The following RNF141 variants were observed in gnomAD, a reference collection of about 807,000 sequenced individuals.
RNF141 encodes ring finger protein 141, also known as C3HC4-like zinc finger protein.
A neutral mutation model predicts 27.4 loss-of-function variants in RNF141; 18 were observed. The ratio of observed to expected loss-of-function variants is 0.66; its 90% confidence interval spans 0.45 to 0.97. The LOEUF (loss-of-function observed/expected upper bound fraction) is 0.97. Among genes scored for constraint, RNF141 ranks in the 50% least tolerant of loss-of-function variants. The pLI, the probability that RNF141 is intolerant of heterozygous loss-of-function variation, is 0.00. For missense variants in RNF141, 230 were observed against 279.4 expected (o/e 0.82, Z 1.26); for synonymous variants, 97 against 96.6 (o/e 1.00, Z -0.02).
At chr11:10,540,715 G>T (rs1850091354) in intron 1 of RNF141, 1 of 144,368 alleles carries the variant, frequency 6.9e-6, no homozygotes, top group African/African-American at 2.7e-5. Context: ...CCTAGCGCTC[G>T]CTCTGGCTAC....
At chr11:10,518,521 A>G (rs1849860334) in intron 5 of RNF141, 1 of 152,306 alleles carries the variant, frequency 6.6e-6, no homozygotes. Context: ...CATTTATAAA[A>G]ATTCATAACT....
intron 2 of RNF141, among the ~76,000 whole-genome samples, chr11:10,533,541 GTA>G (rs72252394): frequency 1.3e-5 from 2 of 150,674 alleles, no homozygotes; most frequent in Non-Finnish European, 1.5e-5. Flanking sequence ...GTAAAAAAAA[GTA>G]TATATATATA....
chr11:10,521,605 T>C (rs754607082), intron 4 of RNF141, among the ~76,000 whole-genome samples: 1 of 152,230 alleles, frequency 6.6e-6, no homozygotes, highest in Non-Finnish European at 1.5e-5. Flanking sequence ...AATTTTGATT[T>C]GAATGTAAAA....
At chr11:10,523,494 A>C (rs1284375665) in intron 4 of RNF141, among the ~76,000 whole-genome samples, 2 of 152,252 alleles carry the variant, frequency 1.3e-5, no homozygotes, top group African/African-American at 4.8e-5. Context: ...GTAAGTAATC[A>C]ATAAATGTAA....
intron 1 of RNF141, among the ~76,000 whole-genome samples, chr11:10,540,475 G>C (rs1564870589): frequency 6.6e-6 from 1 of 152,320 alleles, no homozygotes; most frequent in East Asian, 1.9e-4. Context: ...CTCCTGCTGT[G>C]TAATCACTAC....
At chr11:10,530,519 CTA>C (rs1457464139) in intron 3 of RNF141, 122 bp downstream of exon 3, 12 of 483,314 alleles carry the variant, frequency 2.5e-5, no homozygotes, top group South Asian at 5.2e-5. Flanking sequence ...AGTAACAAAA[CTA>C]TGTTTTACAA....
At position 10,519,105 on chromosome 11, in the gene RNF141, G is replaced by A. The variant is rs773769453; in HGVS notation, c.471C>T (p.Ile157=). 6.2e-7 allele frequency: 1 copy of A among 1,613,988 alleles called. No individual in the cohort carries two copies. The highest frequency in any genetic ancestry group is 8.5e-7 in the Non-Finnish European group (1 of 1,179,928). ...KQLTDEEECC[I]CMDGRADLIL... ...TGAGGTCAGCCCGCCCATCCATACA[G>A]ATACAACACTCCTCCTCATCGGTCA... is the stretch of plus-strand genomic sequence containing the variant. The change falls in exon 5 of 6, where the codon ATC becomes ATT. Residue 157 remains isoleucine, a synonymous_variant. Coordinates refer to ENST00000265981, the MANE Select transcript of RNF141 (RefSeq NM_016422.4).
At chr11:10,525,450 A>G in intron 3 of RNF141, 77 bp from the exon 4 acceptor site, 2 of 1,107,680 alleles carry the variant, frequency 1.8e-6, no homozygotes, top group Non-Finnish European at 2.6e-6. Flanking sequence ...GGGAACAAAT[A>G]TTTAGTCAAA....
intron 3 of RNF141, among the ~76,000 whole-genome samples, chr11:10,525,603 C>A (rs1849926259): frequency 6.6e-6 from 1 of 152,086 alleles, no homozygotes; most frequent in African/African-American, 2.4e-5. Context: ...ACAAAATCAC[C>A]CTGTAAGATT....
At chr11:10,536,782 A>C (rs1653606609) in intron 1 of RNF141, among the ~76,000 whole-genome samples, 1 of 152,198 alleles carries the variant, frequency 6.6e-6, no homozygotes, top group Non-Finnish European at 1.5e-5. Flanking sequence ...TTTTTAATCA[A>C]AATAAGTCAA....
chr11:10,515,179 T>C lies in RNF141; in HGVS notation c.543-113A>G, dbSNP rs1433471998. The C allele has an allele frequency of 4.4e-6, 5 of 1,137,346 alleles. No homozygotes were observed. The Admixed American group carries it at 7.8e-5, about 18-fold the overall frequency. 70.5% of individuals were successfully genotyped at this position (1,137,346 alleles called of 1,614,324 possible). A position where few individuals can be genotyped will look rare whatever the true frequency, so the allele number is the denominator to read the frequency against. Reference sequence around the variant, plus strand: ...AAAAAGGAAATAGCATAGAAATATATAGTGAAAAATAAATCCCTCCCTCCT... The same window carrying C: ...AAAAAGGAAATAGCATAGAAATATACAGTGAAAAATAAATCCCTCCCTCCT... On this transcript the variant is annotated intron_variant, in intron 5 of 5. Coordinates refer to ENST00000265981, the MANE Select transcript of RNF141 (RefSeq NM_016422.4).
In RNF141 at chr11:10,512,075, CCTCTGTTACT is replaced by C. The variant is rs1327455364; in HGVS notation, c.*2831_*2840del. ...GGTTCTATACATAATCGGAGTAAAC[CCTCTGTTACT>C]GAGTTAGGATAGGGAAAACAAATTC... is the stretch of plus-strand genomic sequence containing the variant. On this transcript the variant is annotated 3_prime_UTR_variant, in exon 6 of 6. Coordinates refer to ENST00000265981, the MANE Select transcript of RNF141 (RefSeq NM_016422.4). The C allele has an allele frequency of 4.6e-5, 7 of 152,484 alleles. No individual in the cohort carries two copies. Among genetic ancestry groups the C allele is most frequent in the Admixed American group, 6.6e-5 (1 of 15,260 alleles). The allele number at this position is 152,484 out of a possible 1,614,324, so 9.4% of individuals were successfully genotyped here.
At chr11:10,515,706 T>C (rs1016161842) in intron 5 of RNF141, 2 of 152,198 alleles carry the variant, frequency 1.3e-5, no homozygotes, top group Non-Finnish European at 2.9e-5. Context: ...GAAGAAAGGA[T>C]ATTATTAATT....
intron 5 of RNF141, chr11:10,517,021 C>T (rs1050834581): frequency 1.3e-5 from 2 of 151,898 alleles, no homozygotes; most frequent in Non-Finnish European, 2.9e-5. Context: ...AAAAAAGCAG[C>T]AGAAAAATAT....
intron 5 of RNF141, 73 bp from the exon 6 acceptor site, chr11:10,515,139 A>C: frequency 6.8e-7 from 1 of 1,462,810 alleles, no homozygotes; most frequent in Non-Finnish European, 9.3e-7. Context: ...AAAGTAATAC[A>C]TGCACATGGC....
At chr11:10,533,888 T>C (rs910716263) in intron 2 of RNF141, 128 bp downstream of exon 2, 5 of 786,832 alleles carry the variant, frequency 6.4e-6, no homozygotes, top group African/African-American at 5.3e-5. Context: ...CAATAAGTAT[T>C]TGTTAATGCT....
chr11:10,523,920 A>G (rs1401730090), intron 4 of RNF141, among the ~76,000 whole-genome samples: 1 of 152,234 alleles, frequency 6.6e-6, no homozygotes, highest in Non-Finnish European at 1.5e-5. Flanking sequence ...AGACAAGCCT[A>G]AACACTGCCT....
At position 10,513,224 on chromosome 11, in the gene RNF141, T is replaced by A. The variant is rs1849815744; in HGVS notation, c.*1692A>T. On this transcript the variant is annotated 3_prime_UTR_variant, in exon 6 of 6. Transcript: ENST00000265981. ...TGAATGTCAATGGATTAGTCTTCAG[T>A]ATTTTTGGGGGCGAAATCAAGCTAC... The A allele has an allele frequency of 6.6e-6, 1 of 152,236 alleles. No individual in the cohort carries two copies. The allele number at this position is 152,236 out of a possible 1,614,324, so 9.4% of individuals were successfully genotyped here.
chr11:10,540,125 G>A (rs564669834), intron 1 of RNF141, among the ~76,000 whole-genome samples: 2 of 152,128 alleles, frequency 1.3e-5, no homozygotes, highest in South Asian at 2.1e-4. Flanking sequence ...TAGGATCGTC[G>A]GCCGGTGGCA....
Sources: gnomAD v4.1 joint callset for allele counts (sites outside exome capture counted in the v4.1 genomes callset) on GRCh38, gnomAD v4.1.1 for gene constraint, MANE v1.5 for transcripts, NCBI Gene and HGNC (gene_info 2026-07-23, HGNC 2026-07-21) for gene names.